The following PKHD1L1 variants were observed in gnomAD, a reference collection of about 807,000 sequenced individuals.
The protein encoded by PKHD1L1 is PKHD1 like 1.
A neutral mutation model predicts 462.9 loss-of-function variants in PKHD1L1; 434 were observed. The observed-to-expected ratio is 0.94, with a 90% confidence interval of 0.87 to 1.02. PKHD1L1 has a LOEUF of 1.02. PKHD1L1 is among the 50% of genes least tolerant of loss of function. The probability of loss-of-function intolerance (pLI) is 0.00; values close to 1 mark genes in which losing one functional copy is unlikely to be tolerated. For missense variants in PKHD1L1, 5,202 were observed against 5,096.1 expected (o/e 1.02, Z -0.63); for synonymous variants, 1,781 against 1,750.0 (o/e 1.02, Z -0.44).
chr8:109,477,726 G>A (rs1449310555), intron 53 of PKHD1L1, among the ~76,000 whole-genome samples: 1 of 152,152 alleles, frequency 6.6e-6, no homozygotes, highest in Non-Finnish European at 1.5e-5. Flanking sequence ...AGATCACAGA[G>A]CTCACTGATG....
chr8:109,398,382 A>G, intron 11 of PKHD1L1, 77 bp from the exon 12 acceptor site: 1 of 909,806 alleles, frequency 1.1e-6, no homozygotes, highest in Non-Finnish European at 1.8e-6. Context: ...TAATTGCAAA[A>G]GTGCTTAAAG....
intron 2 of PKHD1L1, among the ~76,000 whole-genome samples, chr8:109,369,775 G>C (rs1207592034): frequency 1.3e-5 from 2 of 151,972 alleles, no homozygotes; most frequent in African/African-American, 4.8e-5. Flanking sequence ...GGGAAGAGTG[G>C]GTTTACACGT....
intron 72 of PKHD1L1, 121 bp from the exon 73 acceptor site, chr8:109,518,046 G>T: frequency 1.4e-6 from 1 of 697,218 alleles, no homozygotes; most frequent in Non-Finnish European, 2.3e-6. Flanking sequence ...GCTTTCTTAT[G>T]AAAGAATGAT....
chr8:109,515,754 T>C (rs17448777), intron 72 of PKHD1L1, among the ~76,000 whole-genome samples: 9,581 of 152,224 alleles, frequency 0.063, 416 homozygotes, highest in Non-Finnish European at 0.093. Context: ...GAAGTAAATA[T>C]GATAAAATAA....
chr8:109,521,113 A>G (rs1230460642), intron 73 of PKHD1L1, among the ~76,000 whole-genome samples: 1 of 152,214 alleles, frequency 6.6e-6, no homozygotes, highest in Non-Finnish European at 1.5e-5. Flanking sequence ...TGAGTCATCC[A>G]AAAGAGTCCT....
At chr8:109,395,997 G>A (rs1812951804) in intron 10 of PKHD1L1, 30 bp from the exon 11 acceptor site, 1 of 1,437,326 alleles carries the variant, frequency 7.0e-7, no homozygotes, top group Non-Finnish European at 9.6e-7. Context: ...TAATATTTAT[G>A]ATATTTTATT....
chr8:109,477,062 T>C (rs564351065), intron 52 of PKHD1L1, among the ~76,000 whole-genome samples, 163 bp from the exon 53 acceptor site: 46 of 152,296 alleles, frequency 3.0e-4, no homozygotes, highest in Admixed American at 7.2e-4. Flanking sequence ...GTGTATATCT[T>C]TATAATACAT....
At chr8:109,364,934 T>C (rs1182022410) in intron 2 of PKHD1L1, among the ~76,000 whole-genome samples, 1 of 152,244 alleles carries the variant, frequency 6.6e-6, no homozygotes, top group Non-Finnish European at 1.5e-5. Context: ...TTATTCTTCA[T>C]GAGTCTAATA....
chr8:109,509,362 G>A (rs1029000202), intron 70 of PKHD1L1, among the ~76,000 whole-genome samples: 1 of 151,760 alleles, frequency 6.6e-6, no homozygotes, highest in African/African-American at 2.4e-5. Flanking sequence ...AGATTTCATT[G>A]TCTTATTTTT....
chr8:109,379,231 T>C (rs1012760018), intron 2 of PKHD1L1, among the ~76,000 whole-genome samples: 6 of 152,144 alleles, frequency 3.9e-5, no homozygotes, highest in African/African-American at 1.4e-4. Context: ...CCTTCTCCCA[T>C]GGAAAGAACA....
At position 109,478,379 on chromosome 8, in the gene PKHD1L1, GCAAA is replaced by G. The variant is rs1345153317; in HGVS notation, c.9089+992_9089+995del. ...TCAATCCAAAGAGATGACAAAACAAGCAAACAAACAAAAAAGTAAACAGAAGATA... is the reference window on the plus strand; with the variant it reads ...TCAATCCAAAGAGATGACAAAACAAGCAAACAAAAAAGTAAACAGAAGATA... On this transcript the variant is annotated intron_variant, in intron 53 of 77. Transcript: ENST00000378402. Among the ~76,000 whole-genome samples the G allele has an allele frequency of 7.2e-5, 11 of 152,190 alleles. No individual in the cohort carries two copies. The East Asian group carries it at 2.1e-3, about 29-fold the overall frequency.
chr8:109,426,645 ATATTT>A (rs1395289798), intron 24 of PKHD1L1, among the ~76,000 whole-genome samples: 1 of 151,982 alleles, frequency 6.6e-6, no homozygotes, highest in South Asian at 2.1e-4. Flanking sequence ...GTTTGTGAAT[ATATTT>A]TATTTTATTA....
intron 70 of PKHD1L1, among the ~76,000 whole-genome samples, chr8:109,510,396 G>A (rs985642412): frequency 6.6e-6 from 1 of 152,112 alleles, no homozygotes; most frequent in African/African-American, 2.4e-5. Context: ...GTAGAGAGAA[G>A]AAAGAATCAA....
chr8:109,460,242 T>C (rs1817044296), intron 47 of PKHD1L1, among the ~76,000 whole-genome samples: 2 of 152,164 alleles, frequency 1.3e-5, no homozygotes, highest in African/African-American at 2.4e-5. Flanking sequence ...TCAGAAAATA[T>C]GGCAAACTAT....
intron 6 of PKHD1L1, among the ~76,000 whole-genome samples, chr8:109,387,311 T>C (rs749526700): frequency 3.3e-5 from 5 of 152,146 alleles, no homozygotes; most frequent in Non-Finnish European, 7.4e-5. Flanking sequence ...TAAAAAGAAT[T>C]CTAAAAAGTA....
In PKHD1L1 at chr8:109,364,576, G is replaced by T; in HGVS notation, c.103G>T (p.Glu35Ter). 6.3e-7 allele frequency: 1 copy of T among 1,593,510 alleles called. No homozygotes were observed. Reference protein sequence around the residue: ...DGSQIIPKVTEIIPKYGSING... With the variant: ...DGSQIIPKVT The stretch of plus-strand genomic sequence containing the variant: ...CTCTCAAATAATCCCCAAAGTCACA[G>T]AAATAATACCTAAATATGGCAGTAT... Residue 35 changes from glutamate to a stop codon, truncating the protein, a stop_gained, in exon 2 of 78, where the codon GAA becomes TAA. Coordinates refer to ENST00000378402, the MANE Select transcript of PKHD1L1 (RefSeq NM_177531.6). LOFTEE classifies it high-confidence loss of function.
At chr8:109,394,922 T>C (rs1484605343) in intron 10 of PKHD1L1, among the ~76,000 whole-genome samples, 1 of 152,226 alleles carries the variant, frequency 6.6e-6, no homozygotes, top group African/African-American at 2.4e-5. Flanking sequence ...AGCTTAGCTT[T>C]CCTTAAACGT....
intron 21 of PKHD1L1, 137 bp downstream of exon 21, chr8:109,413,682 T>C (rs1036619069): frequency 1.9e-6 from 1 of 525,966 alleles, no homozygotes; most frequent in Admixed American, 4.4e-5. Flanking sequence ...ACAATGGATG[T>C]AAATGGCAGT....
At chr8:109,435,143 A>G in intron 28 of PKHD1L1, 47 bp from the exon 29 acceptor site, 1 of 1,600,928 alleles carries the variant, frequency 6.2e-7, no homozygotes, top group Non-Finnish European at 8.5e-7. Flanking sequence ...TATCTCATAA[A>G]ACCATTTGAT....
Sources: gnomAD v4.1 joint callset for allele counts (sites outside exome capture counted in the v4.1 genomes callset) on GRCh38, gnomAD v4.1.1 for gene constraint, MANE v1.5 for transcripts, NCBI Gene and HGNC (gene_info 2026-07-23, HGNC 2026-07-21) for gene names.